ANO1: variants seen among roughly 807,000 people sequenced by gnomAD.
ANO1 encodes the protein anoctamin 1.
Under a neutral mutation model 124.0 loss-of-function variants are expected in ANO1, and 59 were observed. The ratio of observed to expected loss-of-function variants is 0.48; its 90% CI spans 0.39 to 0.59. The LOEUF is 0.59. Ranked by LOEUF, ANO1 falls within the 20% of genes least tolerant of loss-of-function variation. The pLI, the probability that ANO1 is intolerant of heterozygous loss-of-function variation, is 0.00. For missense variants in ANO1, 1,059 were observed against 1,328.0 expected, an observed-to-expected ratio of 0.80 and a Z score of 3.15; for synonymous variants, 529 against 532.0, an observed-to-expected ratio of 0.99 and a Z score of 0.08.
upstream of ANO1, among the ~76,000 whole-genome samples, chr11:69,983,442 A>T (rs1554996505): frequency 6.6e-6 from 1 of 152,016 alleles, no homozygotes; most frequent in East Asian, 1.9e-4. Flanking sequence ...CAGGCACGCC[A>T]CCTCCCCGAG....
At chr11:70,134,921 G>A (rs986448035) in intron 11 of ANO1, among the ~76,000 whole-genome samples, 1 of 152,218 alleles carries the variant, frequency 6.6e-6, no homozygotes, top group African/African-American at 2.4e-5. Flanking sequence ...ATCCGGAGAG[G>A]TCAGCAAGGA....
chr11:70,025,960 TG>T (rs1291556805), intron 1 of ANO1, among the ~76,000 whole-genome samples: 1 of 149,232 alleles, frequency 6.7e-6, no homozygotes, highest in Non-Finnish European at 1.5e-5. Context: ...ATGACAGTGA[TG>T]ATGATGATGG....
intron 19 of ANO1, among the ~76,000 whole-genome samples, chr11:70,164,207 G>A (rs750718624): frequency 1.3e-5 from 2 of 152,152 alleles, no homozygotes; most frequent in South Asian, 2.1e-4. Context: ...CAGTGGTTCT[G>A]GTCTCAGCAT....
intron 1 of ANO1, among the ~76,000 whole-genome samples, chr11:70,083,872 T>C (rs560352748): frequency 5.8e-4 from 88 of 152,326 alleles, no homozygotes; most frequent in African/African-American, 2.0e-3. Flanking sequence ...TGTGGGTAGA[T>C]GGCTCAGAGG....
chr11:70,054,108 G>A (rs1857396315), intron 1 of ANO1, among the ~76,000 whole-genome samples: 1 of 152,136 alleles, frequency 6.6e-6, no homozygotes. Flanking sequence ...TCAGACCCAG[G>A]CAAGAGGGGC....
At chr11:70,169,454 C>A (rs1246064489) in intron 21 of ANO1, among the ~76,000 whole-genome samples, 30 of 151,618 alleles carry the variant, frequency 2.0e-4, no homozygotes, top group Middle Eastern at 3.4e-3. Flanking sequence ...TCCCCGCCCC[C>A]CTGCACCCTC....
chr11:70,132,322 G>A (rs74771194), intron 11 of ANO1, among the ~76,000 whole-genome samples: 121 of 152,266 alleles, frequency 7.9e-4, no homozygotes, highest in African/African-American at 2.8e-3. Context: ...GCCTAGGAGG[G>A]ACGTTTTGCT....
At chr11:70,040,042 G>A (rs1857158635) in intron 1 of ANO1, among the ~76,000 whole-genome samples, 1 of 152,104 alleles carries the variant, frequency 6.6e-6, no homozygotes, top group South Asian at 2.1e-4. Context: ...TCGATCCTGG[G>A]TATTCTCTTC....
At chr11:70,138,848 G>A (rs1002352617) in intron 11 of ANO1, among the ~76,000 whole-genome samples, 1 of 151,886 alleles carries the variant, frequency 6.6e-6, no homozygotes, top group South Asian at 2.1e-4. Flanking sequence ...ACTGCGTGCC[G>A]TTGGTTTGGT....
intron 1 of ANO1, among the ~76,000 whole-genome samples, chr11:70,042,554 A>ATT (rs1555005183): frequency 1.3e-5 from 2 of 152,064 alleles, no homozygotes; most frequent in African/African-American, 4.8e-5. Context: ...AGATTGAGAG[A>ATT]GAGAGAGAGA....
intron 19 of ANO1, 143 bp from the exon 20 acceptor site, chr11:70,165,327 C>G: frequency 1.5e-6 from 1 of 682,314 alleles, no homozygotes; most frequent in Non-Finnish European, 2.5e-6. Flanking sequence ...AGGCCACGTT[C>G]CCAGGTGGCG....
upstream of ANO1, among the ~76,000 whole-genome samples, chr11:70,076,757 C>T (rs1489769989): frequency 1.3e-5 from 2 of 152,216 alleles, no homozygotes; most frequent in Admixed American, 1.3e-4. Flanking sequence ...CCGTTGGCAC[C>T]ACCAGCCTGA....
chr11:70,034,175 A>G (rs12294626), intron 1 of ANO1, among the ~76,000 whole-genome samples: 13,061 of 152,118 alleles, frequency 0.086, 843 homozygotes, highest in African/African-American at 0.15. Context: ...AAATCTTACC[A>G]TCTGGCCCTT....
chr11:69,991,520 G>A (rs1856154697), intron 1 of ANO1, among the ~76,000 whole-genome samples: 6 of 152,202 alleles, frequency 3.9e-5, no homozygotes, highest in Admixed American at 3.3e-4. Context: ...GGACCACCAT[G>A]CCACCTGCAG....
intron 1 of ANO1, among the ~76,000 whole-genome samples, chr11:70,021,646 G>C (rs140586327): frequency 6.6e-6 from 1 of 151,992 alleles, no homozygotes; most frequent in Admixed American, 6.6e-5. Flanking sequence ...TCTCTTCCTC[G>C]GTTTTTCCCA....
intron 1 of ANO1, among the ~76,000 whole-genome samples, chr11:70,052,562 T>TTTTTTTTTTTTTTTTTTC (rs1857368499): frequency 9.8e-6 from 1 of 101,850 alleles, no homozygotes; most frequent in Non-Finnish European, 2.0e-5. Flanking sequence ...TTTTTTTTTT[T>TTTTTTTTTTTTTTTTTTC]TTTTTTTGAG....
Position 70,095,424 on chromosome 11 carries a change from A to AT in ANO1, c.441+7340_441+7341insT, listed in dbSNP as rs2044901708. The stretch of plus-strand genomic sequence containing the variant: ...AAAGAAAGAAAGAAAGAAAGAAAGA[A>AT]AGAAAAGAAAAGAAAGAAAGAGGGA... On this transcript the variant is annotated intron_variant, in intron 2 of 25. Coordinates refer to ENST00000355303, the MANE Select transcript of ANO1 (RefSeq NM_018043.7). Among the ~76,000 whole-genome samples the AT allele has an allele frequency of 8.1e-5, 2 of 24,784 alleles. 1 individual carries two copies. Among genetic ancestry groups the AT allele is most frequent in the South Asian group, 3.2e-3 (2 of 630 alleles). 16.3% of individuals were successfully genotyped at this position (24,784 alleles called of 152,430 possible).
chr11:70,051,419 G>A (rs557417471), intron 1 of ANO1, among the ~76,000 whole-genome samples: 3 of 152,200 alleles, frequency 2.0e-5, no homozygotes, highest in Non-Finnish European at 2.9e-5. Flanking sequence ...TTTCAGGGTC[G>A]TAAGACAAGC....
the ANO1 span, among the ~76,000 whole-genome samples, chr11:69,972,023 C>T: frequency 6.6e-6 from 1 of 151,584 alleles, no homozygotes; most frequent in Non-Finnish European, 1.5e-5. Flanking sequence ...AAGTTTGAGA[C>T]CAGCCTGCCC....
Sources: gnomAD v4.1 joint callset for allele counts (sites outside exome capture counted in the v4.1 genomes callset) on GRCh38, gnomAD v4.1.1 for gene constraint, MANE v1.5 for transcripts, NCBI Gene and HGNC (gene_info 2026-07-23, HGNC 2026-07-21) for gene names.